RASA2: variants seen among roughly 807,000 people sequenced by gnomAD.
RASA2 encodes the protein RAS p21 protein activator 2.
Under a neutral mutation model 118.2 loss-of-function variants are expected in RASA2, and 155 were observed. The ratio of observed to expected loss-of-function variants is 1.31; its 90% CI spans 1.15 to 1.50. The LOEUF (loss-of-function observed/expected upper bound fraction) is 1.50, where lower values mean the gene tolerates loss of function less well. Among genes scored for constraint, RASA2 ranks in the 40% most tolerant of loss-of-function variants. The probability of loss-of-function intolerance (pLI) is 0.00; values close to 1 mark genes in which losing one functional copy is unlikely to be tolerated. For missense variants in RASA2, 1,016 were observed against 1,009.6 expected (o/e 1.01, Z -0.09); for synonymous variants, 353 against 349.1 (o/e 1.01, Z -0.12).
intron 11 of RASA2, 108 bp downstream of exon 11, chr3:141,571,662 G>A: frequency 9.4e-7 from 1 of 1,067,914 alleles, no homozygotes; most frequent in Admixed American, 3.1e-5. Context: ...CAGCCTTACT[G>A]TATAGTAGGC....
intron 19 of RASA2, among the ~76,000 whole-genome samples, chr3:141,598,850 C>A (rs905751554): frequency 6.6e-6 from 1 of 152,010 alleles, no homozygotes; most frequent in Non-Finnish European, 1.5e-5. Flanking sequence ...TTTGGGAGGC[C>A]AAGGTGGGCA....
chr3:141,595,005 A>G (rs2107786630), intron 19 of RASA2, among the ~76,000 whole-genome samples: 1 of 152,292 alleles, frequency 6.6e-6, no homozygotes, highest in South Asian at 2.1e-4. Flanking sequence ...GGTGGAGTAA[A>G]TTATTCCAAG....
intron 2 of RASA2, among the ~76,000 whole-genome samples, chr3:141,513,055 C>T (rs2081974160): frequency 6.8e-6 from 1 of 146,772 alleles, no homozygotes; most frequent in African/African-American, 2.5e-5. Context: ...AAGAGTGAAA[C>T]TCCATCTCAG....
chr3:141,559,567 C>T (rs1270251084), intron 8 of RASA2, among the ~76,000 whole-genome samples: 2 of 152,026 alleles, frequency 1.3e-5, no homozygotes, highest in African/African-American at 4.8e-5. Context: ...TGGTGGTAAT[C>T]TAGAGAGAAA....
chr3:141,589,193 A>G (rs2083250993), intron 19 of RASA2, among the ~76,000 whole-genome samples: 1 of 152,178 alleles, frequency 6.6e-6, no homozygotes, highest in Non-Finnish European at 1.5e-5. Flanking sequence ...ATTATAACTT[A>G]CTGAATACTA....
intron 3 of RASA2, chr3:141,525,305 TTCTTGTTGAC>T (rs1165473784): frequency 1.3e-5 from 2 of 152,052 alleles, no homozygotes; most frequent in Non-Finnish European, 2.9e-5. Context: ...GGACGTTTGT[TTCTTGTTGAC>T]TTTTTTTTTT....
At position 141,559,952 on chromosome 3, in the gene RASA2, G is replaced by A. The variant is rs1294770280; in HGVS notation, c.820G>A (p.Val274Ile). 2 of 1,613,264 alleles carry A rather than the reference G, an allele frequency of 1.2e-6. No individual in the cohort carries two copies. Among genetic ancestry groups the A allele is most frequent in the Non-Finnish European group, 1.7e-6 (2 of 1,179,430 alleles). The change falls in exon 9 of 24, where the codon GTT (valine) becomes ATT (isoleucine). Residue 274 changes from valine (V) to isoleucine (I), a missense_variant. This residue lies in a region of RASA2 where 896 missense variants were observed against 836.4 expected (regional missense o/e 1.07). Coordinates refer to ENST00000286364, the MANE Select transcript of RASA2 (RefSeq NM_006506.5). ...VQDVFLGEIK[V>I]PVNVLRTDSS... ...AGATGTTTTCCTAGGTGAGATTAAG[G>A]TTCCTGTGAACGTATTAAGAACTGA...
chr3:141,487,655 T>C (rs746823747), intron 1 of RASA2, among the ~76,000 whole-genome samples: 11 of 151,198 alleles, frequency 7.3e-5, no homozygotes, highest in Non-Finnish European at 1.6e-4. Context: ...GCAGTAATTA[T>C]ACGGAGGCGC....
intron 1 of RASA2, among the ~76,000 whole-genome samples, chr3:141,510,331 A>G (rs112767529): frequency 6.6e-6 from 1 of 152,180 alleles, no homozygotes; most frequent in Non-Finnish European, 1.5e-5. Flanking sequence ...TTCAGCGCCC[A>G]TACTTGTGTA....
At chr3:141,518,846 A>G (rs2082069919) in intron 3 of RASA2, among the ~76,000 whole-genome samples, 1 of 152,142 alleles carries the variant, frequency 6.6e-6, no homozygotes, top group South Asian at 2.1e-4. Context: ...TTGTATTACT[A>G]CATTTTATTC....
chr3:141,540,864 G>A (rs1194902874), intron 5 of RASA2, among the ~76,000 whole-genome samples: 2 of 152,070 alleles, frequency 1.3e-5, no homozygotes, highest in African/African-American at 4.8e-5. Flanking sequence ...AAGGATAAGG[G>A]TGTCTAACTC....
chr3:141,501,889 A>C (rs563750465), intron 1 of RASA2, among the ~76,000 whole-genome samples: 5 of 152,018 alleles, frequency 3.3e-5, no homozygotes, highest in Non-Finnish European at 7.4e-5. Flanking sequence ...GTGAATGTAA[A>C]TGACAAAATG....
intron 16 of RASA2, among the ~76,000 whole-genome samples, chr3:141,580,824 A>G (rs892193256): frequency 2.6e-5 from 4 of 151,838 alleles, no homozygotes; most frequent in African/African-American, 9.7e-5. Context: ...AAGTTTAATG[A>G]GAACATTAAA....
At chr3:141,560,177 A>G (rs1371822749) in intron 9 of RASA2, among the ~76,000 whole-genome samples, 182 bp downstream of exon 9, 1 of 152,144 alleles carries the variant, frequency 6.6e-6, no homozygotes, top group African/African-American at 2.4e-5. Context: ...TTATGACTTG[A>G]CCTGTGGTAC....
At chr3:141,499,777 T>C (rs1014930913) in intron 1 of RASA2, among the ~76,000 whole-genome samples, 2 of 152,228 alleles carry the variant, frequency 1.3e-5, no homozygotes, top group South Asian at 4.1e-4. Context: ...TTTTGTGTTT[T>C]TAGTAGAGGC....
rs112021667 is a variant in RASA2, at chr3:141,589,841, C to CA, written c.1933+3099dup. Among the ~76,000 whole-genome samples, 339 of 127,054 alleles carry CA rather than the reference C, an allele frequency of 2.7e-3. 3 individuals are homozygous for CA. The highest frequency in any genetic ancestry group is 0.018 in the East Asian group (81 of 4,436). The allele number at this position is 127,054 out of a possible 152,430, so 83.4% of individuals were successfully genotyped here. A position where few individuals can be genotyped will look rare whatever the true frequency, so the allele number is the denominator to read the frequency against. On this transcript the variant is annotated intron_variant, in intron 19 of 23. Transcript: ENST00000286364. ...GGGTAACAGAATGAGGCTCTGTCTC[C>CA]AAAAAAAAAAGAAAAAAAAAAGAAT...
Position 141,548,558 on chromosome 3 carries a change from C to T in RASA2, c.528-5299C>T, listed in dbSNP as rs142572058. On this transcript the variant is annotated intron_variant, in intron 5 of 23. Transcript: ENST00000286364. ...GCTTTATGGAATTTATTGTTGATTT[C>T]TCATCCTTATAGATATTCTGAAATT... is the stretch of plus-strand genomic sequence containing the variant. Among the ~76,000 whole-genome samples, 368 of 152,162 alleles carry T rather than the reference C, an allele frequency of 2.4e-3. 1 individual carries two copies. Among genetic ancestry groups the T allele is most frequent in the African/African-American group, 8.5e-3 (354 of 41,496 alleles).
At chr3:141,522,734 ACTT>A (rs1468462110) in intron 3 of RASA2, among the ~76,000 whole-genome samples, 1 of 152,062 alleles carries the variant, frequency 6.6e-6, no homozygotes, top group East Asian at 1.9e-4. Context: ...ACTGTGTGAT[ACTT>A]CTTCACCCCG....
chr3:141,566,663 G>C (rs1225202208), intron 9 of RASA2, among the ~76,000 whole-genome samples: 2 of 152,060 alleles, frequency 1.3e-5, no homozygotes, highest in African/African-American at 4.8e-5. Context: ...AATAATGCAG[G>C]AACAGGATGG....
Sources: gnomAD v4.1 joint callset for allele counts (sites outside exome capture counted in the v4.1 genomes callset) on GRCh38, gnomAD v4.1.1 for gene constraint, gnomAD v4.1.1 regional missense constraint, MANE v1.5 for transcripts, NCBI Gene and HGNC (gene_info 2026-07-23, HGNC 2026-07-21) for gene names.